The following RARB variants were observed in gnomAD, a reference collection of about 807,000 sequenced individuals.
RARB encodes the protein retinoic acid receptor beta.
A neutral mutation model predicts 51.9 loss-of-function variants in RARB; 17 were observed. The observed-to-expected ratio is 0.33, with a 90% CI of 0.22 to 0.49. The LOEUF is 0.49. Among genes scored for constraint, RARB ranks in the 20% least tolerant of loss-of-function variants. The probability of loss-of-function intolerance (pLI) is 0.99; values close to 1 mark genes in which losing one functional copy is unlikely to be tolerated. For missense variants in RARB, 369 were observed against 550.8 expected (o/e 0.67, Z 3.30); for synonymous variants, 215 against 195.4 (o/e 1.10, Z -0.84).
At chr3:25,298,626 G>A (rs1027480485) in intron 5 of RARB, among the ~76,000 whole-genome samples, 3 of 152,060 alleles carry the variant, frequency 2.0e-5, no homozygotes, top group Non-Finnish European at 1.5e-5. Flanking sequence ...CTAGCTTTGG[G>A]GATTCCAGCA....
intron 2 of RARB, among the ~76,000 whole-genome samples, chr3:24,886,308 G>A (rs1374240510): frequency 1.3e-5 from 2 of 152,142 alleles, no homozygotes; most frequent in African/African-American, 4.8e-5. Context: ...TTTCTTTGGA[G>A]TCCCTGACAG....
chr3:24,902,366 CAG>C (rs1703626471), intron 2 of RARB, among the ~76,000 whole-genome samples: 1 of 152,182 alleles, frequency 6.6e-6, no homozygotes, highest in Non-Finnish European at 1.5e-5. Context: ...GAATCACCGT[CAG>C]AGTGATTTCA....
intron 3 of RARB, among the ~76,000 whole-genome samples, chr3:25,095,645 C>T (rs1183355296): frequency 6.6e-6 from 1 of 152,086 alleles, no homozygotes; most frequent in Non-Finnish European, 1.5e-5. Context: ...AGATGGATTT[C>T]CTGGTGGTGT....
At chr3:25,486,040 T>C (rs1017995390) in intron 2 of RARB, among the ~76,000 whole-genome samples, 5 of 152,240 alleles carry the variant, frequency 3.3e-5, no homozygotes, top group Non-Finnish European at 7.3e-5. Context: ...ATATCAGATA[T>C]GATGCAGTTC....
intron 2 of RARB, among the ~76,000 whole-genome samples, chr3:24,865,934 T>C (rs575594939): frequency 6.6e-6 from 1 of 152,102 alleles, no homozygotes; most frequent in African/African-American, 2.4e-5. Flanking sequence ...TATAACGACA[T>C]TTGGCCTGAA....
intron 5 of RARB, among the ~76,000 whole-genome samples, chr3:25,365,216 T>C (rs1706078665): frequency 7.0e-6 from 1 of 142,056 alleles, no homozygotes; most frequent in South Asian, 2.4e-4. Flanking sequence ...TTTTTTTTTT[T>C]TTTTTTTTTT....
At chr3:25,568,965 T>C (rs1320312749) in intron 3 of RARB, among the ~76,000 whole-genome samples, 2 of 152,204 alleles carry the variant, frequency 1.3e-5, no homozygotes, top group African/African-American at 2.4e-5. Context: ...AGCACGGGCT[T>C]CCATAGCACT....
At chr3:25,027,741 A>G (rs959287302) in intron 2 of RARB, among the ~76,000 whole-genome samples, 22 of 152,076 alleles carry the variant, frequency 1.4e-4, no homozygotes, top group Admixed American at 5.9e-4. Flanking sequence ...ACCTATTTCA[A>G]TGTGCATCTG....
At chr3:25,551,392 T>C (rs1286767) in intron 3 of RARB, among the ~76,000 whole-genome samples, 17,580 of 152,220 alleles carry the variant, frequency 0.12, 1,232 homozygotes, top group Admixed American at 0.15. Flanking sequence ...TGAGAAACAG[T>C]AGATAGACTC....
At chr3:25,291,960 CA>C (rs1703798432) in intron 5 of RARB, among the ~76,000 whole-genome samples, 1 of 152,200 alleles carries the variant, frequency 6.6e-6, no homozygotes, top group East Asian at 1.9e-4. Flanking sequence ...TGGGGATTGA[CA>C]GAACCACTCC....
intron 5 of RARB, among the ~76,000 whole-genome samples, chr3:25,376,604 A>G (rs753688108): frequency 1.2e-4 from 18 of 152,328 alleles, no homozygotes; most frequent in South Asian, 2.1e-4. Context: ...CTACCTACAC[A>G]ACTCCCTATC....
intron 2 of RARB, among the ~76,000 whole-genome samples, chr3:24,926,060 A>G (rs1575075202): frequency 6.6e-6 from 1 of 152,256 alleles, no homozygotes. Flanking sequence ...ATAACTCACA[A>G]GCCTTTGACA....
intron 4 of RARB, among the ~76,000 whole-genome samples, chr3:25,139,194 G>A (rs1176477937): frequency 2.0e-5 from 3 of 151,972 alleles, no homozygotes; most frequent in African/African-American, 7.3e-5. Flanking sequence ...CCCTACAATA[G>A]CCTCTAAATG....
In RARB at chr3:25,130,933, G is replaced by GATA. The variant is rs1264774020; in HGVS notation, c.-327-1224_-327-1222dup. Among the ~76,000 whole-genome samples, 46 of 18,220 alleles carry GATA rather than the reference G, an allele frequency of 2.5e-3. 1 individual carries two copies. In the South Asian group the frequency reaches 0.041, roughly 16 times the overall value. The allele number at this position is 18,220 out of a possible 152,430, so 12.0% of individuals were successfully genotyped here. ...GATAATATTATCAATATTTATCATT[G>GATA]ATAATATCAATATTTATTATTGATA... On this transcript the variant is annotated intron_variant, in intron 3 of 11. Coordinates refer to the RARB transcript ENST00000383772.
At chr3:25,342,948 A>T (rs1705274602) in intron 5 of RARB, among the ~76,000 whole-genome samples, 1 of 151,256 alleles carries the variant, frequency 6.6e-6, no homozygotes, top group Non-Finnish European at 1.5e-5. Context: ...GCCAGAGCTC[A>T]TGGTTTAAGA....
At chr3:25,463,986 G>A (rs941011225) in intron 2 of RARB, among the ~76,000 whole-genome samples, 1 of 152,148 alleles carries the variant, frequency 6.6e-6, no homozygotes, top group Non-Finnish European at 1.5e-5. Context: ...GTAACCCCTA[G>A]CTGAACCTAC....
At chr3:25,306,627 T>G (rs1704158316) in intron 5 of RARB, among the ~76,000 whole-genome samples, 1 of 152,202 alleles carries the variant, frequency 6.6e-6, no homozygotes, top group African/African-American at 2.4e-5. Context: ...ACTAGACTTT[T>G]TAGATTAAAA....
At chr3:24,876,741 C>A (rs2362772) in intron 2 of RARB, among the ~76,000 whole-genome samples, 17,287 of 152,082 alleles carry the variant, frequency 0.11, 1,388 homozygotes, top group East Asian at 0.29. Flanking sequence ...TGGGAAACAA[C>A]CAACTTGCCA....
At chr3:25,508,444 G>T (rs1697719845) in intron 3 of RARB, among the ~76,000 whole-genome samples, 1 of 152,152 alleles carries the variant, frequency 6.6e-6, no homozygotes, top group South Asian at 2.1e-4. Context: ...CTTAACCTCA[G>T]TTAGAATCAC....
Sources: gnomAD v4.1 joint callset for allele counts (sites outside exome capture counted in the v4.1 genomes callset) on GRCh38, gnomAD v4.1.1 for gene constraint, MANE v1.5 for transcripts, NCBI Gene and HGNC (gene_info 2026-07-23, HGNC 2026-07-21) for gene names.